Variants in ITGA2 observed in about 807,000 individuals in gnomAD.
ITGA2 encodes integrin subunit alpha 2.
A neutral mutation model predicts 146.3 loss-of-function variants in ITGA2; 101 were observed. The ratio of observed to expected loss-of-function variants is 0.69; its 90% CI spans 0.59 to 0.81. The LOEUF is 0.81. Ranked by LOEUF, ITGA2 falls within the 40% of genes least tolerant of loss-of-function variation. The pLI is 0.00. For synonymous variants in ITGA2, 477 were observed against 487.1 expected (o/e 0.98, Z 0.27); for missense variants, 1,281 against 1,402.7 (o/e 0.91, Z 1.39).
intron 1 of ITGA2, among the ~76,000 whole-genome samples, chr5:53,004,529 A>T (rs942984468): frequency 6.6e-6 from 1 of 152,118 alleles, no homozygotes; most frequent in Admixed American, 6.6e-5. Flanking sequence ...ATACCCACAG[A>T]GTGTCAGGCC....
intron 10 of ITGA2, 139 bp downstream of exon 10, chr5:53,058,240 T>C: frequency 1.4e-6 from 1 of 721,602 alleles, no homozygotes; most frequent in Non-Finnish European, 2.5e-6. Flanking sequence ...TTTAGTTTCT[T>C]TGTGCTGCTG....
At position 53,070,232 on chromosome 5, in the gene ITGA2, G is replaced by A; in HGVS notation, c.2207G>A (p.Ser736Asn). The A allele has an allele frequency of 6.2e-7, 1 of 1,611,836 alleles. No homozygotes were observed. Among genetic ancestry groups the A allele is most frequent in the Non-Finnish European group, 8.5e-7 (1 of 1,178,580 alleles). ...QKNMVVNQAQ[S>N]CPEHIIYIQE... ...AATATGGTAGTAAATCAAGCACAGAGTTGCCCCGAGCACATCATTTATATA... is the reference window on the plus strand; with the variant it reads ...AATATGGTAGTAAATCAAGCACAGAATTGCCCCGAGCACATCATTTATATA... Residue 736 changes from serine (S) to asparagine (N), a missense_variant, in exon 17 of 30, where the codon AGT becomes AAT. Physicochemically the swap from Ser to Asn is conservative, Grantham distance 46 (BLOSUM62 1). Around this residue, in one of 3 missense-constraint regions of ITGA2, gnomAD observed 475 missense variants for 530.5 expected, o/e 0.90. Transcript: ENST00000296585.
intron 2 of ITGA2, among the ~76,000 whole-genome samples, chr5:53,037,353 T>C (rs564925468): frequency 6.6e-6 from 1 of 152,364 alleles, no homozygotes; most frequent in South Asian, 2.1e-4. Context: ...TGCCTGTTCA[T>C]GCAACTCTTT....
intron 2 of ITGA2, among the ~76,000 whole-genome samples, chr5:53,033,528 G>A (rs1363435951): frequency 6.6e-6 from 1 of 151,896 alleles, no homozygotes; most frequent in East Asian, 1.9e-4. Context: ...GGTTGTCCTG[G>A]CAGTGCCATT....
At chr5:53,050,461 A>T (rs1426960984) in intron 6 of ITGA2, among the ~76,000 whole-genome samples, 7 of 152,136 alleles carry the variant, frequency 4.6e-5, no homozygotes, top group African/African-American at 1.7e-4. Context: ...CCCTAGAGAA[A>T]GGGGTCCAGG....
chr5:53,086,918 AC>A (rs765799429), intron 27 of ITGA2, 33 bp from the exon 28 acceptor site: 11 of 1,514,200 alleles, frequency 7.3e-6, no homozygotes, highest in Non-Finnish European at 1.0e-5. Context: ...TGCTGCTGCT[AC>A]GATAAAACAT....
At chr5:53,062,985 CT>C in intron 13 of ITGA2, 56 bp downstream of exon 13, 1 of 1,434,210 alleles carries the variant, frequency 7.0e-7, no homozygotes, top group Non-Finnish European at 9.7e-7. Flanking sequence ...GGTAATTTAA[CT>C]TGCATTTGGA....
At chr5:53,047,514 A>G (rs984904155) in intron 4 of ITGA2, among the ~76,000 whole-genome samples, 3 of 152,218 alleles carry the variant, frequency 2.0e-5, no homozygotes, top group African/African-American at 7.2e-5. Context: ...ACTGCAGTTA[A>G]TTGGGAAGTG....
chr5:53,016,318 G>T (rs1183424246), intron 1 of ITGA2, among the ~76,000 whole-genome samples: 2 of 152,158 alleles, frequency 1.3e-5, no homozygotes, highest in Non-Finnish European at 2.9e-5. Context: ...TATCTGAAAA[G>T]ATCTTATTTC....
intron 1 of ITGA2, among the ~76,000 whole-genome samples, chr5:53,008,009 C>T (rs1230861987): frequency 6.6e-6 from 1 of 152,020 alleles, no homozygotes; most frequent in Non-Finnish European, 1.5e-5. Context: ...AATGTATGGA[C>T]AGAATTATCT....
chr5:53,070,325 C>A (rs776359446), intron 17 of ITGA2, 65 bp downstream of exon 17: 2 of 1,534,154 alleles, frequency 1.3e-6, no homozygotes, highest in East Asian at 2.3e-5. Context: ...TGGTAAAAGT[C>A]AAAAATGGAA....
chr5:53,047,484 A>G (rs1275115014), intron 4 of ITGA2, among the ~76,000 whole-genome samples: 1 of 152,216 alleles, frequency 6.6e-6, no homozygotes, highest in Admixed American at 6.5e-5. Flanking sequence ...CAAGAAGACA[A>G]GTGCCATTCA....
intron 6 of ITGA2, among the ~76,000 whole-genome samples, chr5:53,049,158 C>T (rs1482138440): frequency 1.3e-5 from 2 of 151,940 alleles, no homozygotes; most frequent in East Asian, 1.9e-4. Flanking sequence ...ATTACAGGCT[C>T]CTGCCACCAC....
chr5:53,056,259 G>C lies in ITGA2; in HGVS notation c.1096+110G>C, dbSNP rs1228757100. 4.5e-6 allele frequency: 4 copies of C among 881,482 alleles called. No individual in the cohort carries two copies. The Admixed American group carries it at 9.7e-5, about 21-fold the overall frequency. The allele number at this position is 881,482 out of a possible 1,614,324, so 54.6% of individuals were successfully genotyped here. ...AACTTGTATACCATGTATAAAAAGA[G>C]CTACTACAATCAGTAAGAGAAATGG... On this transcript the variant is annotated intron_variant, in intron 9 of 29. Coordinates refer to ENST00000296585, the MANE Select transcript of ITGA2 (RefSeq NM_002203.4).
intron 2 of ITGA2, among the ~76,000 whole-genome samples, chr5:53,033,904 C>A (rs913769162): frequency 6.6e-6 from 1 of 151,914 alleles, no homozygotes; most frequent in Admixed American, 6.6e-5. Context: ...GCTGAAACTA[C>A]AAGCGCCCAC....
At position 53,067,079 on chromosome 5, in the gene ITGA2, A is replaced by G. The variant is rs187025055; in HGVS notation, c.1944-39A>G. On this transcript the variant is annotated intron_variant, in intron 15 of 29. Transcript: ENST00000296585. ...AAAGGATATAATACGTGTGCTCAGT[A>G]ATAACATCCATCCATCTGTTACTCT... is the stretch of plus-strand genomic sequence containing the variant. The G allele has an allele frequency of 1.6e-4, 258 of 1,598,460 alleles. 2 individuals are homozygous for G. The Admixed American group carries it at 4.3e-3, about 26-fold the overall frequency.
chr5:53,055,844 G>A (rs1054669241), intron 8 of ITGA2, 140 bp from the exon 9 acceptor site: 2 of 1,243,308 alleles, frequency 1.6e-6, no homozygotes, highest in Non-Finnish European at 2.3e-6. Flanking sequence ...TTTCAATCCT[G>A]TCTACTAAAT....
intron 7 of ITGA2, among the ~76,000 whole-genome samples, chr5:53,053,239 A>G (rs1177848261): frequency 1.3e-5 from 2 of 152,118 alleles, no homozygotes; most frequent in African/African-American, 4.8e-5. Context: ...ACTTCCGTCA[A>G]CTGGTGACAA....
intron 2 of ITGA2, among the ~76,000 whole-genome samples, chr5:53,038,276 T>G (rs1487215107): frequency 6.6e-6 from 1 of 152,066 alleles, no homozygotes; most frequent in Non-Finnish European, 1.5e-5. Context: ...CAAGCCTCTC[T>G]CGGGCTGTGG....
Sources: gnomAD v4.1 joint callset for allele counts (sites outside exome capture counted in the v4.1 genomes callset) on GRCh38, gnomAD v4.1.1 for gene constraint, gnomAD v4.1.1 regional missense constraint, MANE v1.5 for transcripts, NCBI Gene and HGNC (gene_info 2026-07-23, HGNC 2026-07-21) for gene names.